The following QSOX2 variants were observed in gnomAD, a reference collection of about 807,000 sequenced individuals.
QSOX2 encodes quiescin sulfhydryl oxidase 2, also known as sulfhydryl oxidase 2.
Under a neutral mutation model 61.7 loss-of-function variants are expected in QSOX2, and 46 were observed. The ratio of observed to expected loss-of-function variants is 0.75; its 90% confidence interval spans 0.59 to 0.95. The LOEUF (loss-of-function observed/expected upper bound fraction) is 0.95, where lower values mean the gene tolerates loss of function less well. QSOX2 is among the 40% of genes least tolerant of loss of function. The pLI, the probability that QSOX2 is intolerant of heterozygous loss-of-function variation, is 0.00. For missense variants in QSOX2, 879 were observed against 918.9 expected (o/e 0.96, Z 0.56); for synonymous variants, 383 against 388.4 (o/e 0.99, Z 0.16).
intron 1 of QSOX2, among the ~76,000 whole-genome samples, chr9:136,230,051 C>A (rs1830316667): frequency 6.6e-6 from 1 of 152,164 alleles, no homozygotes; most frequent in Admixed American, 6.5e-5. Flanking sequence ...GAGGTCAAGG[C>A]AGGCAGATCA....
At chr9:136,241,974 C>G (rs1045022096) in intron 1 of QSOX2, among the ~76,000 whole-genome samples, 1 of 152,362 alleles carries the variant, frequency 6.6e-6, no homozygotes, top group South Asian at 2.1e-4. Context: ...GGAGATCTCA[C>G]CGGTCAGACG....
At chr9:136,213,338 G>A (rs1021146185) in intron 10 of QSOX2, among the ~76,000 whole-genome samples, 17 of 149,530 alleles carry the variant, frequency 1.1e-4, no homozygotes, top group African/African-American at 2.2e-4. Flanking sequence ...CCAGTGCTGG[G>A]ATTACAGGTG....
rs373702986 is a variant in QSOX2, at chr9:136,219,024, A to G, written c.956+6T>C. 1.2e-6 allele frequency: 2 copies of G among 1,613,864 alleles called. No homozygotes were observed. Among genetic ancestry groups the G allele is most frequent in the African/African-American group, 2.7e-5 (2 of 74,908 alleles). On this transcript the variant is annotated splice_donor_region_variant and intron_variant, in intron 7 of 11. Transcript: ENST00000358701. Reference sequence around the variant, plus strand: ...CCGGGGGCTTCAGTTCAAGAGGAACACTTGCTTGTCAAATTCTCTCCAAAC... The same window carrying G: ...CCGGGGGCTTCAGTTCAAGAGGAACGCTTGCTTGTCAAATTCTCTCCAAAC...
chr9:136,224,024 C>T lies in QSOX2; in HGVS notation c.567G>A (p.Pro189=), dbSNP rs368959971. Residue 189 remains proline, a synonymous_variant, in exon 4 of 12, where the codon CCG becomes CCA. Transcript: ENST00000358701. ...CTACTCACTGAATGGGGTCTAGGCGCGGGCAGGCAGGGGGCCGGCTTCCTT... is the reference window on the plus strand; with the variant it reads ...CTACTCACTGAATGGGGTCTAGGCGTGGGCAGGCAGGGGGCCGGCTTCCTT... The part of the protein sequence containing the change: ...HTEGSRPPAC[P]RLDPIQPSDV... 189 of 1,613,730 alleles carry T rather than the reference C, an allele frequency of 1.2e-4. No individual in the cohort carries two copies. The highest frequency in any genetic ancestry group is 9.3e-5 in the Non-Finnish European group (110 of 1,179,878).
chr9:136,210,896 A>G, intron 11 of QSOX2: 1 of 985,306 alleles, frequency 1.0e-6, no homozygotes, highest in Non-Finnish European at 1.2e-6. Flanking sequence ...ACAGATTTCC[A>G]TACTACTAAA....
At position 136,223,737 on chromosome 9, in the gene QSOX2, A is replaced by G. The variant is rs746305657; in HGVS notation, c.675+26T>C. 6.3e-7 allele frequency: 1 copy of G among 1,594,370 alleles called. No homozygotes were observed. Among genetic ancestry groups the G allele is most frequent in the South Asian group, 1.1e-5 (1 of 90,312 alleles). ...CAACCCCAATCACACCACGTGTGAC[A>G]CCTGGAGCCCACGCAGAGGCCGTAC... On this transcript the variant is annotated intron_variant, in intron 5 of 11. Transcript: ENST00000358701. The surrounding 1 kb of genome is among the most constrained non-coding windows in gnomAD (Gnocchi z 4.4).
Position 136,206,539 on chromosome 9 carries a change from A to C in QSOX2, c.*2189T>G, listed in dbSNP as rs1377624198. The C allele has an allele frequency of 6.6e-6, 1 of 152,448 alleles. No homozygotes were observed. The highest frequency in any genetic ancestry group is 1.5e-5 in the Non-Finnish European group (1 of 68,044). 9.4% of individuals were successfully genotyped at this position (152,448 alleles called of 1,614,324 possible). ...CATTAGTCTCAATACCTCTTAAAAT[A>C]CTTAAAACTTTAGAAAATAGACTCT... is the stretch of plus-strand genomic sequence containing the variant. On this transcript the variant is annotated 3_prime_UTR_variant, in exon 12 of 12. Coordinates refer to ENST00000358701, the MANE Select transcript of QSOX2 (RefSeq NM_181701.4).
At chr9:136,239,925 A>C (rs976653580) in intron 1 of QSOX2, among the ~76,000 whole-genome samples, 6 of 152,278 alleles carry the variant, frequency 3.9e-5, no homozygotes, top group Non-Finnish European at 8.8e-5. Flanking sequence ...CATATTATCA[A>C]ATCAAATACA....
Position 136,223,957 on chromosome 9 carries a change from G to A in QSOX2, c.584+50C>T, listed in dbSNP as rs780130155. On this transcript the variant is annotated intron_variant, in intron 4 of 11. Transcript: ENST00000358701. This position sits in a 1 kb window ranked among gnomAD's most constrained non-coding sequence, Gnocchi z 4.4. ...TTAATAGAAACCTATTACGTTTCTT[G>A]CACAGTTCAACACGAGTCTAACGGC... 5 of 1,579,452 alleles carry A rather than the reference G, an allele frequency of 3.2e-6. No homozygotes were observed. The African/African-American group carries it at 4.0e-5, about 13-fold the overall frequency.
intron 1 of QSOX2, among the ~76,000 whole-genome samples, chr9:136,229,246 C>T (rs1830308954): frequency 1.3e-5 from 2 of 152,220 alleles, no homozygotes; most frequent in African/African-American, 2.4e-5. Context: ...CTTGCCCAAG[C>T]CTCAGACCAC....
At chr9:136,243,459 C>T (rs915776391) in intron 1 of QSOX2, among the ~76,000 whole-genome samples, 2 of 152,204 alleles carry the variant, frequency 1.3e-5, no homozygotes, top group Non-Finnish European at 2.9e-5. Flanking sequence ...AGTCTTTAGA[C>T]AAAGCTTAAC....
chr9:136,217,175 G>A (rs570917763), intron 8 of QSOX2, among the ~76,000 whole-genome samples: 1 of 152,386 alleles, frequency 6.6e-6, no homozygotes, highest in East Asian at 1.9e-4. Flanking sequence ...CAGTGCACAT[G>A]CGCCGGCAGC....
Position 136,211,457 on chromosome 9 carries a change from A to C in QSOX2, c.1361-5T>G. ...CCTGGGGGTCGTCTTCAAAGCCTGC[A>C]GGGGAAGAAACACTGCTGACAACGG... On this transcript the variant is annotated splice_region_variant and splice_polypyrimidine_tract_variant and intron_variant, in intron 10 of 11. Coordinates refer to ENST00000358701, the MANE Select transcript of QSOX2 (RefSeq NM_181701.4). 1 of 1,612,756 alleles carries C rather than the reference A, an allele frequency of 6.2e-7. No individual in the cohort carries two copies. Among genetic ancestry groups the C allele is most frequent in the South Asian group, 1.1e-5 (1 of 91,072 alleles).
At chr9:136,231,029 C>G (rs1830324456) in intron 1 of QSOX2, among the ~76,000 whole-genome samples, 1 of 152,252 alleles carries the variant, frequency 6.6e-6, no homozygotes, top group Non-Finnish European at 1.5e-5. Flanking sequence ...GCAGGAAAAG[C>G]CTCCGACCGG....
At chr9:136,220,033 C>T (rs1215569780) in intron 6 of QSOX2, among the ~76,000 whole-genome samples, 6 of 152,152 alleles carry the variant, frequency 3.9e-5, no homozygotes, top group Admixed American at 3.9e-4. Context: ...TGTATTTTCA[C>T]TCATTTATCT....
At chr9:136,234,225 A>G (rs1055979146) in intron 1 of QSOX2, among the ~76,000 whole-genome samples, 2 of 152,248 alleles carry the variant, frequency 1.3e-5, no homozygotes, top group African/African-American at 4.8e-5. Flanking sequence ...GTAAGAACAC[A>G]GTACGGAACA....
Position 136,215,305 on chromosome 9 carries a change from C to T in QSOX2, c.1210-1G>A. ...GATTAGTAAGGAATATTCCAGAAAT[C>T]TGAAAAACAAACAAACAAAAAAACC... On this transcript the variant is annotated splice_acceptor_variant, in intron 9 of 11. Coordinates refer to ENST00000358701, the MANE Select transcript of QSOX2 (RefSeq NM_181701.4). LOFTEE classifies it high-confidence loss of function. The T allele has an allele frequency of 1.2e-6, 2 of 1,601,768 alleles. No individual in the cohort carries two copies. Among genetic ancestry groups the T allele is most frequent in the Non-Finnish European group, 1.7e-6 (2 of 1,175,770 alleles).
At chr9:136,212,208 G>C (rs1831854982) in intron 10 of QSOX2, among the ~76,000 whole-genome samples, 1 of 152,234 alleles carries the variant, frequency 6.6e-6, no homozygotes, top group Admixed American at 6.5e-5. Context: ...CGCAACCAAG[G>C]GGAACCCCTG....
intron 1 of QSOX2, among the ~76,000 whole-genome samples, chr9:136,231,054 GA>G (rs1740646757): frequency 6.6e-6 from 1 of 152,198 alleles, no homozygotes. Context: ...GTTTCCATGG[GA>G]AGTAAATTTA....
Sources: allele counts gnomAD v4.1 joint callset (sites outside exome capture counted in the v4.1 genomes callset), GRCh38; gene constraint gnomAD v4.1.1; non-coding constraint Gnocchi (gnomAD v3.1); transcripts MANE v1.5; gene names NCBI Gene and HGNC (gene_info 2026-07-23, HGNC 2026-07-21).